COX7B2: variants seen among roughly 807,000 people sequenced by gnomAD.
The protein encoded by COX7B2 is cytochrome c oxidase subunit 7B2, mitochondrial.
For synonymous variants in COX7B2, 37 were observed against 32.1 expected, an observed-to-expected ratio of 1.15 and a Z score of -0.51; for missense variants, 109 against 95.9, an observed-to-expected ratio of 1.14 and a Z score of -0.57.
chr4:46,870,851 C>T (rs114202546), intron 1 of COX7B2, among the ~76,000 whole-genome samples: 4,881 of 151,856 alleles, frequency 0.032, 148 homozygotes, highest in East Asian at 0.097. Flanking sequence ...CACAGACAAA[C>T]GGAAAAACAC....
In COX7B2 at chr4:46,854,924, A is replaced by G. The variant is rs540322994; in HGVS notation, c.-104-9910T>C. On this transcript the variant is annotated intron_variant, in intron 1 of 2. Coordinates refer to ENST00000355591, the MANE Select transcript of COX7B2 (RefSeq NM_130902.3). ...ATAAACATCAAAAGCTAAGAGTGAT[A>G]TCAAGTTATCAGATTATATTTTTTC... 4.3e-4 allele frequency among the ~76,000 whole-genome samples: 66 copies of G among 152,250 alleles called. No homozygotes were observed. The South Asian group carries it at 7.7e-3, about 18-fold the overall frequency.
At chr4:46,820,846 T>TAGATAGATAGATAG (rs1277124266) in intron 2 of COX7B2, among the ~76,000 whole-genome samples, 127 of 147,378 alleles carry the variant, frequency 8.6e-4, no homozygotes, top group African/African-American at 3.0e-3. Flanking sequence ...TATATATATA[T>TAGATAGATAGATAG]ATATATAGAT....
chr4:46,866,976 A>G (rs1041989875), intron 1 of COX7B2, among the ~76,000 whole-genome samples: 12 of 152,188 alleles, frequency 7.9e-5, no homozygotes, highest in Admixed American at 3.3e-4. Flanking sequence ...GTGCCCTATC[A>G]AATCTCACCT....
At chr4:46,825,821 A>G (rs1408379815) in intron 2 of COX7B2, among the ~76,000 whole-genome samples, 1 of 152,224 alleles carries the variant, frequency 6.6e-6, no homozygotes, top group Non-Finnish European at 1.5e-5. Flanking sequence ...ATAACTGACT[A>G]GCCATATGCA....
intron 2 of COX7B2, among the ~76,000 whole-genome samples, chr4:46,772,775 TG>T (rs758309997): frequency 6.6e-6 from 1 of 152,162 alleles, no homozygotes; most frequent in Non-Finnish European, 1.5e-5. Flanking sequence ...CAAATCATAA[TG>T]TGCAAACTTA....
intron 1 of COX7B2, among the ~76,000 whole-genome samples, chr4:46,893,319 T>G (rs13135800): frequency 0.24 from 36,917 of 152,132 alleles, 4,686 homozygotes; most frequent in East Asian, 0.29. Flanking sequence ...AGTGGTCTGC[T>G]TTATACCAGC....
chr4:46,867,556 T>G (rs1170111301), intron 1 of COX7B2, among the ~76,000 whole-genome samples: 1 of 152,190 alleles, frequency 6.6e-6, no homozygotes, highest in African/African-American at 2.4e-5. Context: ...TTAATTTGCG[T>G]GTAATTAATA....
At chr4:46,791,716 A>C (rs532844089) in intron 2 of COX7B2, among the ~76,000 whole-genome samples, 1 of 152,308 alleles carries the variant, frequency 6.6e-6, no homozygotes, top group East Asian at 1.9e-4. Context: ...AAGAACAACA[A>C]GTTTTGAAGT....
intron 2 of COX7B2, among the ~76,000 whole-genome samples, chr4:46,804,062 G>C (rs1718826973): frequency 6.6e-6 from 1 of 151,980 alleles, no homozygotes; most frequent in South Asian, 2.1e-4. Flanking sequence ...TTTTCTGGTG[G>C]GTTCGTGGTC....
At chr4:46,832,888 C>G (rs929130197) in intron 2 of COX7B2, among the ~76,000 whole-genome samples, 2 of 151,824 alleles carry the variant, frequency 1.3e-5, no homozygotes, top group African/African-American at 4.8e-5. Context: ...CATGTACAGC[C>G]TGCTGAACTG....
chr4:46,873,741 T>C (rs1718150035), intron 1 of COX7B2, among the ~76,000 whole-genome samples: 1 of 152,194 alleles, frequency 6.6e-6, no homozygotes, highest in Admixed American at 6.5e-5. Context: ...TACATATGTA[T>C]ACATGTGCCA....
At chr4:46,847,264 G>A (rs930131624) in intron 1 of COX7B2, among the ~76,000 whole-genome samples, 5 of 151,986 alleles carry the variant, frequency 3.3e-5, no homozygotes, top group Admixed American at 6.6e-5. Context: ...ACGGTGAGAT[G>A]TATGTGAAGC....
At chr4:46,814,433 T>C (rs1321586425) in intron 2 of COX7B2, among the ~76,000 whole-genome samples, 1 of 152,218 alleles carries the variant, frequency 6.6e-6, no homozygotes, top group Non-Finnish European at 1.5e-5. Context: ...CCTTTTTAGA[T>C]GTGTTCATTT....
At chr4:46,857,453 G>T (rs1008504614) in intron 1 of COX7B2, among the ~76,000 whole-genome samples, 5 of 152,134 alleles carry the variant, frequency 3.3e-5, no homozygotes, top group African/African-American at 1.2e-4. Flanking sequence ...CTAGTTGAGG[G>T]TCTTCTACCT....
chr4:46,788,536 A>G (rs1196658120), intron 2 of COX7B2, among the ~76,000 whole-genome samples: 1 of 152,212 alleles, frequency 6.6e-6, no homozygotes, highest in East Asian at 1.9e-4. Flanking sequence ...AAATGTAAAA[A>G]GAATTCCTAG....
intron 2 of COX7B2, among the ~76,000 whole-genome samples, chr4:46,739,725 C>T (rs1714592281): frequency 1.3e-5 from 2 of 151,944 alleles, no homozygotes; most frequent in African/African-American, 2.4e-5. Context: ...AGAAGCAAAA[C>T]GTAAGCACAC....
rs946343902 is a variant in COX7B2, at chr4:46,836,355, T to A, written c.-50+8605A>T. Among the ~76,000 whole-genome samples, 673 of 150,666 alleles carry A rather than the reference T, an allele frequency of 4.5e-3. 4 individuals are homozygous for A. Among genetic ancestry groups the A allele is most frequent in the African/African-American group, 0.016 (652 of 40,980 alleles). ...ACGTTTTTTTCTCTATTTAAAAAAT[T>A]TTTTTTTTATATTTTTTTAAAGTAG... On this transcript the variant is annotated intron_variant, in intron 2 of 2. Transcript: ENST00000355591.
intron 1 of COX7B2, among the ~76,000 whole-genome samples, chr4:46,853,383 C>G (rs776052868): frequency 1.3e-5 from 2 of 152,152 alleles, no homozygotes; most frequent in African/African-American, 4.8e-5. Flanking sequence ...AGTCAGAAAT[C>G]TGACTCTCAT....
At chr4:46,831,553 G>C (rs1715100677) in intron 2 of COX7B2, among the ~76,000 whole-genome samples, 1 of 152,224 alleles carries the variant, frequency 6.6e-6, no homozygotes, top group Non-Finnish European at 1.5e-5. Context: ...GTCTAGCTAA[G>C]GGATTGTAAA....
Sources: allele counts gnomAD v4.1 joint callset (sites outside exome capture counted in the v4.1 genomes callset), GRCh38; gene constraint gnomAD v4.1.1; transcripts MANE v1.5; gene names NCBI Gene and HGNC (gene_info 2026-07-23, HGNC 2026-07-21).